MED13: variants seen among roughly 807,000 people sequenced by gnomAD.
MED13 encodes the protein mediator complex subunit 13.
Under a neutral mutation model 225.2 loss-of-function variants are expected in MED13, and 23 were observed. That is an observed-to-expected ratio of 0.10 (90% CI 0.07 to 0.14). MED13 has a LOEUF of 0.14. MED13 is among the 10% of genes least tolerant of loss of function. The pLI, the probability that MED13 is intolerant of heterozygous loss-of-function variation, is 1.00. For missense variants in MED13, 2,197 were observed against 2,594.5 expected (o/e 0.85, Z 3.33); for synonymous variants, 942 against 889.2 (o/e 1.06, Z -1.06).
At chr17:61,948,833 T>C (rs890350319) in intron 28 of MED13, among the ~76,000 whole-genome samples, 1 of 151,026 alleles carries the variant, frequency 6.6e-6, no homozygotes, top group African/African-American at 2.4e-5. Context: ...ACGCCTGTAA[T>C]CCCAGCACTT....
intron 8 of MED13, among the ~76,000 whole-genome samples, chr17:62,015,957 T>TTATATATATATATA (rs2080574408): frequency 1.6e-4 from 1 of 6,312 alleles, no homozygotes; most frequent in East Asian, 4.4e-3. Context: ...TATATATATT[T>TTATATATATATATA]TTTTTTTTTT....
chr17:62,026,864 G>A (rs2080707660), intron 8 of MED13, among the ~76,000 whole-genome samples: 1 of 151,886 alleles, frequency 6.6e-6, no homozygotes, highest in African/African-American at 2.4e-5. Flanking sequence ...AAAATAACTG[G>A]GAATACAGCT....
intron 8 of MED13, chr17:62,029,164 AAAAG>A (rs888820849): frequency 6.1e-6 from 1 of 162,862 alleles, no homozygotes; most frequent in Non-Finnish European, 1.3e-5. Flanking sequence ...ATTTTTTAAA[AAAAG>A]AAAGAACTCT....
In MED13 at chr17:61,948,804, C is replaced by CG. The variant is rs533023635; in HGVS notation, c.6292-1788dup. Among the ~76,000 whole-genome samples, 16 of 150,988 alleles carry CG rather than the reference C, an allele frequency of 1.1e-4. No individual in the cohort carries two copies. In the South Asian group the frequency reaches 3.4e-3, roughly 32 times the overall value. On this transcript the variant is annotated intron_variant, in intron 28 of 29. Transcript: ENST00000397786. ...GTTTTACATAAGAATAAGTGAGTCA[C>CG]GGCCGGGCGCGGTGGCTCACGCCTG...
chr17:62,052,420 C>A (rs1568004302), intron 3 of MED13, 117 bp downstream of exon 3: 7 of 678,626 alleles, frequency 1.0e-5, no homozygotes, highest in Non-Finnish European at 1.5e-5. Context: ...AGTACTCTGT[C>A]ACTGACAACC....
Position 61,942,830 on chromosome 17 carries a change from C to T in MED13, c.*3638G>A, listed in dbSNP as rs564170496. 5 of 152,544 alleles carry T rather than the reference C, an allele frequency of 3.3e-5. No homozygotes were observed. Among genetic ancestry groups the T allele is most frequent in the South Asian group, 4.2e-4 (2 of 4,816 alleles). The allele number at this position is 152,544 out of a possible 1,614,324, so 9.4% of individuals were successfully genotyped here. On this transcript the variant is annotated 3_prime_UTR_variant, in exon 30 of 30. Coordinates refer to ENST00000397786, the MANE Select transcript of MED13 (RefSeq NM_005121.3). ...TCACTGCTAAACAACAACTTTAAAA[C>T]GCCCCTTCATAAAGTGACCAAGCTA...
intron 16 of MED13, 78 bp from the exon 17 acceptor site, chr17:61,972,966 C>T: frequency 8.0e-7 from 1 of 1,252,078 alleles, no homozygotes; most frequent in East Asian, 2.4e-5. Flanking sequence ...TAATACAAAA[C>T]ACATATAGGG....
intron 23 of MED13, among the ~76,000 whole-genome samples, chr17:61,957,790 A>C (rs1197767235): frequency 1.3e-5 from 2 of 152,240 alleles, no homozygotes; most frequent in Non-Finnish European, 2.9e-5. Context: ...CAACATTGTT[A>C]CATGTTTTCT....
chr17:62,014,920 C>T (rs1438684347), intron 8 of MED13, among the ~76,000 whole-genome samples: 2 of 152,140 alleles, frequency 1.3e-5, no homozygotes, highest in Admixed American at 6.5e-5. Context: ...AGCTACCTTC[C>T]ATTTATAGAA....
At chr17:62,027,554 T>C (rs1166609201) in intron 8 of MED13, among the ~76,000 whole-genome samples, 1 of 151,904 alleles carries the variant, frequency 6.6e-6, no homozygotes, top group Non-Finnish European at 1.5e-5. Flanking sequence ...TCAAAAGCAA[T>C]CACAACAAAA....
chr17:62,012,240 CA>C (rs1198307657), intron 8 of MED13, among the ~76,000 whole-genome samples: 1 of 148,960 alleles, frequency 6.7e-6, no homozygotes, highest in African/African-American at 2.5e-5. Flanking sequence ...CAAAAACAAA[CA>C]AAAAAAAGAT....
intron 9 of MED13, among the ~76,000 whole-genome samples, chr17:62,009,069 A>G (rs992953141): frequency 2.0e-5 from 3 of 152,236 alleles, no homozygotes; most frequent in Non-Finnish European, 4.4e-5. Context: ...CAATGATCTG[A>G]TAAGGAAGGA....
At chr17:62,035,897 G>A (rs1603406365) in intron 3 of MED13, among the ~76,000 whole-genome samples, 2 of 152,052 alleles carry the variant, frequency 1.3e-5, no homozygotes, top group South Asian at 4.1e-4. Context: ...TAAAATAGAA[G>A]AGTAGGTTTA....
chr17:61,953,974 C>T (rs961350946), intron 26 of MED13, among the ~76,000 whole-genome samples: 5 of 152,078 alleles, frequency 3.3e-5, no homozygotes, highest in African/African-American at 7.2e-5. Context: ...AAATTAGGTA[C>T]AGTAAGAGAT....
At chr17:62,008,467 C>T (rs570959058) in intron 9 of MED13, among the ~76,000 whole-genome samples, 7 of 151,930 alleles carry the variant, frequency 4.6e-5, no homozygotes, top group Middle Eastern at 3.4e-3. Context: ...GAAGAGATCG[C>T]GTTTTTTTAA....
At chr17:61,986,418 T>C (rs2080248308) in intron 12 of MED13, among the ~76,000 whole-genome samples, 1 of 152,204 alleles carries the variant, frequency 6.6e-6, no homozygotes, top group Non-Finnish European at 1.5e-5. Flanking sequence ...AATTCATTAA[T>C]TTGACAGAGA....
At chr17:62,007,484 G>T (rs969733083) in intron 9 of MED13, 18 of 152,150 alleles carry the variant, frequency 1.2e-4, no homozygotes, top group Admixed American at 7.9e-4. Context: ...GTTTTAAAAA[G>T]AATTTTTTAG....
At chr17:62,012,473 G>C (rs961084309) in intron 8 of MED13, among the ~76,000 whole-genome samples, 1 of 151,326 alleles carries the variant, frequency 6.6e-6, no homozygotes, top group Admixed American at 6.6e-5. Context: ...GGGACTACAG[G>C]CATGTGGCCA....
chr17:61,978,153 T>TC (rs917328162), intron 16 of MED13, among the ~76,000 whole-genome samples: 2 of 148,920 alleles, frequency 1.3e-5, no homozygotes, highest in African/African-American at 5.1e-5. Context: ...AAAACTGCCT[T>TC]TTTTTTTTTT....
Sources: gnomAD v4.1 joint callset for allele counts (sites outside exome capture counted in the v4.1 genomes callset) on GRCh38, gnomAD v4.1.1 for gene constraint, MANE v1.5 for transcripts, NCBI Gene and HGNC (gene_info 2026-07-23, HGNC 2026-07-21) for gene names.